MYO3B: variants seen among roughly 807,000 people sequenced by gnomAD.
MYO3B encodes myosin-IIIb.
A neutral mutation model predicts 174.6 loss-of-function variants in MYO3B; 156 were observed. The observed-to-expected ratio is 0.89, with a 90% confidence interval of 0.78 to 1.02. The LOEUF is 1.02. Ranked by LOEUF, MYO3B falls within the 50% of genes least tolerant of loss-of-function variation. The pLI is 0.00. For synonymous variants in MYO3B, 563 were observed against 569.1 expected, an observed-to-expected ratio of 0.99 and a Z score of 0.15; for missense variants, 1,632 against 1,639.4, an observed-to-expected ratio of 1.00 and a Z score of 0.08.
intron 27 of MYO3B, among the ~76,000 whole-genome samples, chr2:170,500,489 G>A (rs1276471991): frequency 3.3e-5 from 5 of 152,130 alleles, no homozygotes; most frequent in Non-Finnish European, 7.3e-5. Context: ...TAATAGATAG[G>A]GAGAGTTCAG....
intron 30 of MYO3B, among the ~76,000 whole-genome samples, chr2:170,536,435 G>A (rs1316551646): frequency 6.6e-6 from 1 of 152,252 alleles, no homozygotes; most frequent in Non-Finnish European, 1.5e-5. Context: ...AGGGTGGGAT[G>A]CAGTGCATGC....
rs35100967 is a variant in MYO3B at position 170,392,122 on chromosome 2, CAAAAAAAA to C, written c.1677-245_1677-238del. Among the ~76,000 whole-genome samples the C allele has an allele frequency of 2.3e-4, 25 of 106,568 alleles. No homozygotes were observed. In the East Asian group the frequency reaches 6.6e-3, roughly 28 times the overall value. The allele number at this position is 106,568 out of a possible 152,430, so 69.9% of individuals were successfully genotyped here. On this transcript the variant is annotated intron_variant, in intron 15 of 34. Coordinates refer to ENST00000408978, the MANE Select transcript of MYO3B (RefSeq NM_138995.5). ...TGGGTGACAGAGCAAGACCCTGTCT[CAAAAAAAA>C]AAAAAAAAAAAAATTAGCTGGGTGT... is the stretch of plus-strand genomic sequence containing the variant.
At chr2:170,231,596 C>T (rs1446908806) in intron 6 of MYO3B, among the ~76,000 whole-genome samples, 1 of 152,226 alleles carries the variant, frequency 6.6e-6, no homozygotes, top group Non-Finnish European at 1.5e-5. Context: ...CCTGGACATG[C>T]TCCATTAACC....
At chr2:170,494,963 A>C (rs1025781331) in intron 25 of MYO3B, among the ~76,000 whole-genome samples, 4 of 152,124 alleles carry the variant, frequency 2.6e-5, no homozygotes, top group African/African-American at 9.7e-5. Context: ...AGTTAGGTAC[A>C]GAGAGGTGAG....
intron 32 of MYO3B, among the ~76,000 whole-genome samples, chr2:170,570,056 C>A (rs968827240): frequency 6.6e-6 from 1 of 152,092 alleles, no homozygotes; most frequent in Non-Finnish European, 1.5e-5. Flanking sequence ...CCCAATTTAA[C>A]TAGAAGAGGG....
Position 170,400,197 on chromosome 2 carries a change from T to G in MYO3B, c.1801T>G (p.Ser601Ala). ...TTGATGTCCTTTTCAGGAGGTGCAC[T>G]CAGTGTACAGAATTTTGGCTGGGAT... ...IIGFTDKEVH[S>A]VYRILAGILN... Residue 601 changes from serine (S) to alanine (A), a missense_variant, in exon 17 of 35, where the codon TCA becomes GCA. Transcript: ENST00000408978. 1 of 1,614,040 alleles carries G rather than the reference T, an allele frequency of 6.2e-7. No homozygotes were observed. Among genetic ancestry groups the G allele is most frequent in the Non-Finnish European group, 8.5e-7 (1 of 1,179,976 alleles).
intron 7 of MYO3B, among the ~76,000 whole-genome samples, chr2:170,259,587 A>C (rs147687116): frequency 6.6e-6 from 1 of 152,300 alleles, no homozygotes; most frequent in African/African-American, 2.4e-5. Context: ...AGGACCTAAA[A>C]CTATAAAAAT....
chr2:170,393,136 T>G (rs924648011), intron 16 of MYO3B, among the ~76,000 whole-genome samples: 12 of 149,690 alleles, frequency 8.0e-5, no homozygotes, highest in East Asian at 5.9e-4. Flanking sequence ...CAGGCTGGAG[T>G]GCAGTGGCGG....
intron 7 of MYO3B, among the ~76,000 whole-genome samples, chr2:170,324,698 G>C (rs533949041): frequency 1.3e-5 from 2 of 152,334 alleles, no homozygotes; most frequent in African/African-American, 4.8e-5. Flanking sequence ...TGCTGGAGTG[G>C]ACTTGGTGAA....
At chr2:170,328,995 T>C (rs913584915) in intron 7 of MYO3B, among the ~76,000 whole-genome samples, 7 of 152,070 alleles carry the variant, frequency 4.6e-5, no homozygotes, top group African/African-American at 1.4e-4. Context: ...ACACTGTCTC[T>C]ACAAAATTTA....
intron 32 of MYO3B, among the ~76,000 whole-genome samples, chr2:170,635,430 G>T (rs1242109858): frequency 6.6e-6 from 1 of 151,856 alleles, no homozygotes; most frequent in African/African-American, 2.4e-5. Flanking sequence ...CTCGGACACA[G>T]TAAGAGGAAC....
chr2:170,537,448 ATT>A (rs559086883), intron 30 of MYO3B, among the ~76,000 whole-genome samples: 599 of 54,598 alleles, frequency 0.011, no homozygotes, highest in Non-Finnish European at 0.013. Context: ...GAGCTCTTTG[ATT>A]TTTTTTTTTT....
chr2:170,369,173 A>G lies in MYO3B; in HGVS notation c.816-49A>G, dbSNP rs756575255. The G allele has an allele frequency of 3.8e-6, 6 of 1,568,244 alleles. No homozygotes were observed. The Admixed American group carries it at 1.0e-4, about 27-fold the overall frequency. On this transcript the variant is annotated intron_variant, in intron 8 of 34. Transcript: ENST00000408978. ...CCATCTCCCATATTCATAGGGGAAC[A>G]GGGTGTCTAAGATTGTACTTTGGAT...
chr2:170,574,314 T>A (rs1005382633), intron 32 of MYO3B, among the ~76,000 whole-genome samples: 1 of 152,094 alleles, frequency 6.6e-6, no homozygotes, highest in Admixed American at 6.5e-5. Context: ...TTTGATTTAT[T>A]GAGATCGACT....
chr2:170,354,957 G>T (rs965811878), intron 8 of MYO3B, among the ~76,000 whole-genome samples: 2 of 151,506 alleles, frequency 1.3e-5, no homozygotes, highest in African/African-American at 4.9e-5. Flanking sequence ...GGGGTGGGGT[G>T]GGGGGTGGAG....
At chr2:170,254,132 G>T (rs2093281968) in intron 7 of MYO3B, among the ~76,000 whole-genome samples, 1 of 152,052 alleles carries the variant, frequency 6.6e-6, no homozygotes, top group South Asian at 2.1e-4. Context: ...AGGTTCTCAG[G>T]AAGGGGTGAA....
chr2:170,253,158 G>A (rs1216076800), intron 7 of MYO3B, among the ~76,000 whole-genome samples: 2 of 152,174 alleles, frequency 1.3e-5, no homozygotes, highest in African/African-American at 4.8e-5. Context: ...AGAGACTCAA[G>A]GTAAGAGGCT....
chr2:170,499,885 C>A (rs1344948112), intron 27 of MYO3B, 77 bp downstream of exon 27: 5 of 1,424,472 alleles, frequency 3.5e-6, no homozygotes, highest in Non-Finnish European at 4.8e-6. Context: ...TCAACTGTTT[C>A]TCTTCTAAGT....
chr2:170,195,945 A>G (rs2092595494), intron 1 of MYO3B, among the ~76,000 whole-genome samples: 1 of 152,090 alleles, frequency 6.6e-6, no homozygotes, highest in Non-Finnish European at 1.5e-5. Context: ...TATACCTAAA[A>G]ATTTGTTTCT....
Sources: allele counts gnomAD v4.1 joint callset (sites outside exome capture counted in the v4.1 genomes callset), GRCh38; gene constraint gnomAD v4.1.1; transcripts MANE v1.5; gene names NCBI Gene and HGNC (gene_info 2026-07-23, HGNC 2026-07-21).